The following HACE1 variants were observed in gnomAD, a reference collection of about 807,000 sequenced individuals.
HACE1 encodes E3 ubiquitin-protein ligase HACE1.
Under a neutral mutation model 118.4 loss-of-function variants are expected in HACE1, and 73 were observed. That is an observed-to-expected ratio of 0.62 (90% CI 0.51 to 0.75). HACE1 has a LOEUF of 0.75. Among genes scored for constraint, HACE1 ranks in the 30% least tolerant of loss-of-function variants. The probability of loss-of-function intolerance (pLI) is 0.00; values close to 1 mark genes in which losing one functional copy is unlikely to be tolerated. For missense variants in HACE1, 749 were observed against 1,102.2 expected (o/e 0.68, Z 4.54); for synonymous variants, 368 against 374.8 (o/e 0.98, Z 0.21).
At chr6:104,741,362 G>A (rs960727031) in intron 22 of HACE1, among the ~76,000 whole-genome samples, 1 of 150,536 alleles carries the variant, frequency 6.6e-6, no homozygotes, top group African/African-American at 2.5e-5. Flanking sequence ...AAAAGAGGAA[G>A]TCAAATTGTC....
chr6:104,811,454 C>T (rs1771616442), intron 6 of HACE1, 61 bp from the exon 7 acceptor site: 6 of 814,160 alleles, frequency 7.4e-6, no homozygotes, highest in Admixed American at 5.2e-5. Context: ...ATACAATTAC[C>T]ACAATTTTAA....
intron 17 of HACE1, among the ~76,000 whole-genome samples, chr6:104,775,112 C>T (rs140003796): frequency 6.6e-6 from 1 of 152,080 alleles, no homozygotes. Context: ...GAGGCCGAGG[C>T]GGGTAGATAA....
chr6:104,809,434 A>T (rs1771362594), intron 7 of HACE1, among the ~76,000 whole-genome samples: 2 of 152,156 alleles, frequency 1.3e-5, no homozygotes. Flanking sequence ...AGAACATTTC[A>T]GGCAAAACAA....
Position 104,852,305 on chromosome 6 carries a change from A to C in HACE1, c.131+12T>G. 1 of 1,603,990 alleles carries C rather than the reference A, an allele frequency of 6.2e-7. No homozygotes were observed. Among genetic ancestry groups the C allele is most frequent in the East Asian group, 2.2e-5 (1 of 44,794 alleles). On this transcript the variant is annotated intron_variant, in intron 2 of 23. Transcript: ENST00000262903. ...TTCTTAAAAAGCAAAAATTTTTGGA[A>C]CAAGCACTCACCTGTGTTGATCAGC...
At chr6:104,744,783 G>A (rs979995530) in intron 20 of HACE1, among the ~76,000 whole-genome samples, 173 bp from the exon 21 acceptor site, 1 of 152,052 alleles carries the variant, frequency 6.6e-6, no homozygotes, top group South Asian at 2.1e-4. Flanking sequence ...AATCCTTGAC[G>A]CTGATAATCT....
At chr6:104,733,820 T>C (rs181045792) in intron 22 of HACE1, among the ~76,000 whole-genome samples, 277 of 142,806 alleles carry the variant, frequency 1.9e-3, no homozygotes, top group African/African-American at 7.2e-3. Flanking sequence ...GCCTGGGCAA[T>C]AGAGCAAGAC....
At chr6:104,751,955 CA>C (rs397935188) in intron 19 of HACE1, among the ~76,000 whole-genome samples, 3,302 of 125,242 alleles carry the variant, frequency 0.026, 133 homozygotes, top group African/African-American at 0.092. Context: ...AAAAACCAAA[CA>C]AAAAAAAAAA....
intron 7 of HACE1, among the ~76,000 whole-genome samples, chr6:104,804,656 T>G (rs2114932250): frequency 6.6e-6 from 1 of 152,314 alleles, no homozygotes; most frequent in South Asian, 2.1e-4. Context: ...GCTAGCCATA[T>G]GTAGAAAGCT....
chr6:104,807,886 A>C (rs1243915366), intron 7 of HACE1, among the ~76,000 whole-genome samples: 1 of 152,086 alleles, frequency 6.6e-6, no homozygotes, highest in Admixed American at 6.6e-5. Flanking sequence ...GAAACACTAC[A>C]TTATAAAACA....
At chr6:104,847,927 G>A (rs1775819875) in intron 4 of HACE1, among the ~76,000 whole-genome samples, 1 of 151,824 alleles carries the variant, frequency 6.6e-6, no homozygotes, top group South Asian at 2.1e-4. Flanking sequence ...TCAAGCGACT[G>A]TCATGCCTCA....
intron 6 of HACE1, among the ~76,000 whole-genome samples, chr6:104,829,923 C>G (rs916194323): frequency 6.6e-6 from 1 of 152,184 alleles, no homozygotes; most frequent in African/African-American, 2.4e-5. Context: ...ACTTATACCA[C>G]CTAATTTTCA....
chr6:104,833,262 G>T, intron 5 of HACE1, 89 bp from the exon 6 acceptor site: 1 of 1,175,474 alleles, frequency 8.5e-7, no homozygotes, highest in Non-Finnish European at 1.3e-6. Context: ...AGCTGGGCGT[G>T]ATTTGCACAT....
intron 5 of HACE1, among the ~76,000 whole-genome samples, chr6:104,837,054 G>A (rs139712518): frequency 3.9e-5 from 6 of 152,274 alleles, no homozygotes; most frequent in Non-Finnish European, 8.8e-5. Flanking sequence ...AATCAACACA[G>A]TAAAGATAAC....
In HACE1 at chr6:104,758,617, G is replaced by A. The variant is rs546906935; in HGVS notation, c.2212-8145C>T. Reference sequence around the variant, plus strand: ...AACAAGCCAAACTGTAAAGACCATCGACGCTATGAAGAAACTGCATCAATA... The same window carrying A: ...AACAAGCCAAACTGTAAAGACCATCAACGCTATGAAGAAACTGCATCAATA... On this transcript the variant is annotated intron_variant, in intron 19 of 23. Transcript: ENST00000262903. Among the ~76,000 whole-genome samples, 7 of 152,208 alleles carry A rather than the reference G, an allele frequency of 4.6e-5. No individual in the cohort carries two copies. The South Asian group carries it at 8.3e-4, about 18-fold the overall frequency.
intron 1 of HACE1, among the ~76,000 whole-genome samples, chr6:104,856,233 T>C (rs1040247742): frequency 2.0e-5 from 3 of 152,116 alleles, no homozygotes; most frequent in African/African-American, 7.2e-5. Context: ...AACCCAACTG[T>C]TAACAAAAAA....
rs141516572 is a variant in HACE1, at chr6:104,801,558, T to C, written c.618-4533A>G. ...CAAGCCAGAAGAGAGTGGGGGCTAA[T>C]ATTTGACATTCTTAAAGAAAATAAT... On this transcript the variant is annotated intron_variant, in intron 7 of 23. Coordinates refer to ENST00000262903, the MANE Select transcript of HACE1 (RefSeq NM_020771.4). Among the ~76,000 whole-genome samples, 488 of 152,354 alleles carry C rather than the reference T, an allele frequency of 3.2e-3. 7 individuals are homozygous for C. Among genetic ancestry groups the C allele is most frequent in the African/African-American group, 0.011 (475 of 41,586 alleles).
chr6:104,737,516 G>C (rs1480075297), intron 22 of HACE1, among the ~76,000 whole-genome samples: 1 of 152,172 alleles, frequency 6.6e-6, no homozygotes, highest in Non-Finnish European at 1.5e-5. Flanking sequence ...CCTCACTTGG[G>C]AAGCGCAAGG....
At chr6:104,800,374 A>G (rs1278131815) in intron 7 of HACE1, among the ~76,000 whole-genome samples, 3 of 152,180 alleles carry the variant, frequency 2.0e-5, no homozygotes, top group Admixed American at 2.0e-4. Flanking sequence ...TTCTCCCACC[A>G]CAGCCTTTGA....
chr6:104,728,850 T>C lies in HACE1; in HGVS notation c.*812A>G, dbSNP rs1277623005. ...AAGCAAAAAAATTAACATATTTAAA[T>C]TATAATTTGCACATCAGATTACTTT... On this transcript the variant is annotated 3_prime_UTR_variant, in exon 24 of 24. Transcript: ENST00000262903. 6.6e-6 allele frequency: 1 copy of C among 152,448 alleles called. No homozygotes were observed. Among genetic ancestry groups the C allele is most frequent in the Non-Finnish European group, 1.5e-5 (1 of 68,012 alleles). 9.4% of individuals were successfully genotyped at this position (152,448 alleles called of 1,614,324 possible). A position where few individuals can be genotyped will look rare whatever the true frequency, so the allele number is the denominator to read the frequency against.
Sources: gnomAD v4.1 joint callset for allele counts (sites outside exome capture counted in the v4.1 genomes callset) on GRCh38, gnomAD v4.1.1 for gene constraint, MANE v1.5 for transcripts, NCBI Gene and HGNC (gene_info 2026-07-23, HGNC 2026-07-21) for gene names.